The following COL27A1 variants were observed in gnomAD, a reference collection of about 807,000 sequenced individuals.
The protein encoded by COL27A1 is collagen alpha-1(XXVII) chain.
Under a neutral mutation model 251.3 loss-of-function variants are expected in COL27A1, and 106 were observed. The observed-to-expected ratio is 0.42, with a 90% CI of 0.36 to 0.50. COL27A1 has a LOEUF of 0.50. Ranked by LOEUF, COL27A1 falls within the 20% of genes least tolerant of loss-of-function variation. The pLI is 0.00. For missense variants in COL27A1, 2,325 were observed against 2,522.8 expected (o/e 0.92, Z 1.68); for synonymous variants, 1,000 against 986.3 (o/e 1.01, Z -0.26).
chr9:114,172,534 G>C (rs1849393114), intron 3 of COL27A1, among the ~76,000 whole-genome samples: 1 of 152,166 alleles, frequency 6.6e-6, no homozygotes, highest in African/African-American at 2.4e-5. Context: ...GGCTGGGCGT[G>C]GTGGCTCACA....
At chr9:114,234,379 G>A (rs1267119371) in intron 16 of COL27A1, among the ~76,000 whole-genome samples, 4 of 152,130 alleles carry the variant, frequency 2.6e-5, no homozygotes, top group Non-Finnish European at 5.9e-5. Context: ...CCTTAGCCAT[G>A]TGTGGGTTTT....
intron 24 of COL27A1, among the ~76,000 whole-genome samples, chr9:114,249,479 G>C (rs932198132): frequency 3.9e-5 from 6 of 152,198 alleles, no homozygotes; most frequent in Non-Finnish European, 5.9e-5. Context: ...GGAGGCCTTG[G>C]GCTGGAGGGG....
chr9:114,256,267 G>A lies in COL27A1; in HGVS notation c.3142-2274G>A, dbSNP rs565608904. On this transcript the variant is annotated intron_variant, in intron 27 of 60. Coordinates refer to ENST00000356083, the MANE Select transcript of COL27A1 (RefSeq NM_032888.4). ...AGCACTTTGGGAGGCCGAGGCTGGC[G>A]GATCACGAGGTCAGGAGATCAAGAC... Among the ~76,000 whole-genome samples, 35 of 152,258 alleles carry A rather than the reference G, an allele frequency of 2.3e-4. No homozygotes were observed. In the South Asian group the frequency reaches 6.2e-3, roughly 27 times the overall value.
At chr9:114,304,324 G>A (rs974961991) in intron 56 of COL27A1, among the ~76,000 whole-genome samples, 4 of 152,248 alleles carry the variant, frequency 2.6e-5, no homozygotes, top group African/African-American at 9.6e-5. Flanking sequence ...TGAGGGAGAG[G>A]AAGGAGACAT....
At chr9:114,190,740 A>G (rs972043370) in intron 5 of COL27A1, among the ~76,000 whole-genome samples, 5 of 152,108 alleles carry the variant, frequency 3.3e-5, no homozygotes, top group African/African-American at 1.2e-4. Flanking sequence ...GTCTTCTAGT[A>G]CCACCTGGCT....
intron 23 of COL27A1, among the ~76,000 whole-genome samples, chr9:114,244,995 G>A (rs2135496442): frequency 6.6e-6 from 1 of 152,232 alleles, no homozygotes; most frequent in East Asian, 1.9e-4. Flanking sequence ...TGGGGAGGCT[G>A]AGCCCAGAGC....
intron 12 of COL27A1, among the ~76,000 whole-genome samples, chr9:114,212,527 G>C (rs751634456): frequency 6.6e-6 from 1 of 152,238 alleles, no homozygotes; most frequent in African/African-American, 2.4e-5. Flanking sequence ...CTGAATCTAA[G>C]AGAGAGTAGG....
At chr9:114,284,895 C>A (rs1007894186) in intron 41 of COL27A1, 118 bp downstream of exon 41, 2 of 1,089,232 alleles carry the variant, frequency 1.8e-6, no homozygotes, top group East Asian at 4.8e-5. Context: ...TGTGGGGGCT[C>A]ACCCCCTGCA....
At chr9:114,239,518 T>A (rs537396407) in intron 19 of COL27A1, among the ~76,000 whole-genome samples, 10 of 152,278 alleles carry the variant, frequency 6.6e-5, no homozygotes, top group Non-Finnish European at 1.2e-4. Flanking sequence ...GTCTCCAAAT[T>A]GTGCAAAGAC....
intron 10 of COL27A1, among the ~76,000 whole-genome samples, chr9:114,207,824 C>A (rs1469278875): frequency 6.6e-6 from 1 of 152,222 alleles, no homozygotes; most frequent in Non-Finnish European, 1.5e-5. Flanking sequence ...ATTTTCTCAC[C>A]TGTAAATCTG....
chr9:114,264,000 C>T (rs773613514), intron 28 of COL27A1, among the ~76,000 whole-genome samples: 72 of 152,186 alleles, frequency 4.7e-4, no homozygotes, highest in Non-Finnish European at 8.5e-4. Flanking sequence ...AAGAGTTGGC[C>T]GTGTGGACGT....
chr9:114,290,420 T>C lies in COL27A1; in HGVS notation c.4368+89T>C. On this transcript the variant is annotated intron_variant, in intron 47 of 60. Transcript: ENST00000356083. This position sits in a 1 kb window ranked among gnomAD's most constrained non-coding sequence, Gnocchi z 4.6. ...CCAGGCCATGGGCCAGAGGAGCCCG[T>C]TTGGAAACTTGGATGGGCAGAACCA... The C allele has an allele frequency of 1.7e-6, 2 of 1,201,900 alleles. No individual in the cohort carries two copies. Among genetic ancestry groups the C allele is most frequent in the African/African-American group, 1.5e-5 (1 of 66,032 alleles). The allele number at this position is 1,201,900 out of a possible 1,614,324, so 74.5% of individuals were successfully genotyped here.
intron 20 of COL27A1, 57 bp from the exon 21 acceptor site, chr9:114,240,377 T>C: frequency 6.3e-7 from 1 of 1,598,828 alleles, no homozygotes; most frequent in Non-Finnish European, 8.6e-7. Context: ...CTTGCCAGCC[T>C]GCGATGGAGA....
Position 114,183,008 on chromosome 9 carries a change from C to G in COL27A1, c.1963-14C>G, listed in dbSNP as rs1334078406. On this transcript the variant is annotated splice_polypyrimidine_tract_variant and intron_variant, in intron 4 of 60. Coordinates refer to ENST00000356083, the MANE Select transcript of COL27A1 (RefSeq NM_032888.4). ...TTGTCACCTTTTTTTGTTTTTGTTC[C>G]TTGTCTCTTTCAGGGTCCTCCTGGG... is the stretch of plus-strand genomic sequence containing the variant. 6.2e-7 allele frequency: 1 copy of G among 1,612,272 alleles called. No individual in the cohort carries two copies. The highest frequency in any genetic ancestry group is 8.5e-7 in the Non-Finnish European group (1 of 1,179,404).
chr9:114,268,283 A>G lies in COL27A1; in HGVS notation c.3501+726A>G, dbSNP rs559098506. On this transcript the variant is annotated intron_variant, in intron 34 of 60. Coordinates refer to ENST00000356083, the MANE Select transcript of COL27A1 (RefSeq NM_032888.4). Reference sequence around the variant, plus strand: ...AGGGAGCATAGCTTGAAAATTCACCAATGAAGAAACCACCCCACGTAGAAA... The same window carrying G: ...AGGGAGCATAGCTTGAAAATTCACCGATGAAGAAACCACCCCACGTAGAAA... Among the ~76,000 whole-genome samples, 275 of 151,480 alleles carry G rather than the reference A, an allele frequency of 1.8e-3. 2 individuals are homozygous for G. Among genetic ancestry groups the G allele is most frequent in the African/African-American group, 6.1e-3 (250 of 41,158 alleles).
chr9:114,197,967 G>A (rs1158279714), intron 7 of COL27A1, among the ~76,000 whole-genome samples: 3 of 152,210 alleles, frequency 2.0e-5, no homozygotes, highest in African/African-American at 7.2e-5. Flanking sequence ...CAATGTGCCT[G>A]GGGCCACCAT....
chr9:114,169,773 G>A (rs772841855), intron 3 of COL27A1, among the ~76,000 whole-genome samples: 3 of 152,216 alleles, frequency 2.0e-5, no homozygotes, highest in Non-Finnish European at 4.4e-5. Context: ...CAGCTGCAAA[G>A]CTCGAACAGC....
chr9:114,213,509 C>T (rs939227182), intron 12 of COL27A1, among the ~76,000 whole-genome samples: 5 of 152,200 alleles, frequency 3.3e-5, no homozygotes, highest in Admixed American at 3.3e-4. Flanking sequence ...ATATATTACT[C>T]TATGCCAGGC....
chr9:114,232,627 C>T (rs917670150), intron 16 of COL27A1, among the ~76,000 whole-genome samples: 1 of 152,230 alleles, frequency 6.6e-6, no homozygotes, highest in Non-Finnish European at 1.5e-5. Context: ...GCTGCTCAGC[C>T]AGCCCCTCAT....
Sources: allele counts gnomAD v4.1 joint callset (sites outside exome capture counted in the v4.1 genomes callset), GRCh38; gene constraint gnomAD v4.1.1; non-coding constraint Gnocchi (gnomAD v3.1); transcripts MANE v1.5; gene names NCBI Gene and HGNC (gene_info 2026-07-23, HGNC 2026-07-21).